CNOT4: variants seen among roughly 807,000 people sequenced by gnomAD.
CNOT4 encodes CCR4-associated factor 4.
CNOT4 carries 8 observed loss-of-function variants against 73.8 expected under a neutral mutation model. The observed-to-expected ratio is 0.11, with a 90% CI of 0.06 to 0.20. CNOT4 has a LOEUF of 0.20. CNOT4 is among the 10% of genes least tolerant of loss of function. The pLI, the probability that CNOT4 is intolerant of heterozygous loss-of-function variation, is 1.00. For synonymous variants in CNOT4, 293 were observed against 321.1 expected (o/e 0.91, Z 0.94); for missense variants, 564 against 883.4 (o/e 0.64, Z 4.58).
At chr7:135,469,171 T>C (rs536369758) in intron 1 of CNOT4, among the ~76,000 whole-genome samples, 2 of 152,242 alleles carry the variant, frequency 1.3e-5, no homozygotes, top group South Asian at 2.1e-4. Context: ...AGAACATTTG[T>C]TTATTCAACA....
intron 10 of CNOT4, chr7:135,388,647 G>GT (rs1796244442): frequency 7.7e-7 from 1 of 1,300,518 alleles, no homozygotes; most frequent in Non-Finnish European, 9.9e-7. Flanking sequence ...CAACTATGAG[G>GT]TAACACGCTA....
At chr7:135,410,953 A>T (rs1797558942) in intron 6 of CNOT4, among the ~76,000 whole-genome samples, 1 of 151,854 alleles carries the variant, frequency 6.6e-6, no homozygotes, top group Non-Finnish European at 1.5e-5. Context: ...TTAAGGGAAG[A>T]ACATTTTTGC....
intron 1 of CNOT4, among the ~76,000 whole-genome samples, chr7:135,454,590 CT>C (rs1345068590): frequency 6.6e-6 from 1 of 152,000 alleles, no homozygotes; most frequent in African/African-American, 2.4e-5. Context: ...AGAAGAATCA[CT>C]TGAGCCTGGG....
chr7:135,495,270 C>T (rs1803393593), intron 1 of CNOT4, among the ~76,000 whole-genome samples: 1 of 152,044 alleles, frequency 6.6e-6, no homozygotes, highest in Non-Finnish European at 1.5e-5. Context: ...TTTGGGAGGC[C>T]AAGGCGGGTA....
intron 3 of CNOT4, among the ~76,000 whole-genome samples, chr7:135,421,569 G>A (rs1361335737): frequency 6.6e-6 from 1 of 152,150 alleles, no homozygotes; most frequent in Non-Finnish European, 1.5e-5. Context: ...GAGGTACTAA[G>A]AAACAAGGTT....
chr7:135,415,630 G>C (rs1797829222), intron 3 of CNOT4, among the ~76,000 whole-genome samples: 1 of 151,954 alleles, frequency 6.6e-6, no homozygotes, highest in South Asian at 2.1e-4. Flanking sequence ...TTACACGAAA[G>C]CAATTCTTCA....
intron 1 of CNOT4, among the ~76,000 whole-genome samples, chr7:135,472,984 T>C (rs1211777850): frequency 6.6e-6 from 1 of 151,514 alleles, no homozygotes; most frequent in African/African-American, 2.4e-5. Context: ...GAGGGTGCAG[T>C]GCGTTATGAT....
intron 1 of CNOT4, among the ~76,000 whole-genome samples, chr7:135,500,076 C>T (rs1803863306): frequency 6.6e-6 from 1 of 152,172 alleles, no homozygotes; most frequent in Admixed American, 6.5e-5. Context: ...ATCTTAATCA[C>T]TATTTCCCAA....
At chr7:135,420,173 T>A (rs1585616257) in intron 3 of CNOT4, among the ~76,000 whole-genome samples, 1 of 152,192 alleles carries the variant, frequency 6.6e-6, no homozygotes. Flanking sequence ...AGTACTACAG[T>A]TGATCAGATC....
intron 1 of CNOT4, among the ~76,000 whole-genome samples, chr7:135,495,731 A>G (rs1031548441): frequency 4.6e-5 from 6 of 130,758 alleles, no homozygotes; most frequent in Admixed American, 3.2e-4. Flanking sequence ...AGAAAGAAAG[A>G]AAGAAAGAAA....
chr7:135,416,890 T>C (rs1797903459), intron 3 of CNOT4, among the ~76,000 whole-genome samples: 1 of 152,168 alleles, frequency 6.6e-6, no homozygotes, highest in Non-Finnish European at 1.5e-5. Context: ...CAACAAAGAA[T>C]TGTCCCGCAC....
intron 1 of CNOT4, among the ~76,000 whole-genome samples, chr7:135,461,266 A>G (rs988522975): frequency 1.3e-5 from 2 of 152,148 alleles, no homozygotes; most frequent in Non-Finnish European, 2.9e-5. Flanking sequence ...CAAAATTTAT[A>G]ATTTAAATTT....
At chr7:135,486,093 G>A (rs777066945) in intron 1 of CNOT4, among the ~76,000 whole-genome samples, 5 of 151,784 alleles carry the variant, frequency 3.3e-5, no homozygotes, top group Non-Finnish European at 5.9e-5. Flanking sequence ...ACAAATCACC[G>A]CTAAAGAACT....
chr7:135,473,126 T>C (rs1015131348), intron 1 of CNOT4, among the ~76,000 whole-genome samples: 2 of 152,164 alleles, frequency 1.3e-5, no homozygotes, highest in Non-Finnish European at 2.9e-5. Flanking sequence ...AATGTTTTAA[T>C]AAAACTGTTG....
At chr7:135,471,270 TA>T (rs893237945) in intron 1 of CNOT4, among the ~76,000 whole-genome samples, 2,259 of 145,136 alleles carry the variant, frequency 0.016, 57 homozygotes, top group African/African-American at 0.053. Context: ...AGATTCTGAT[TA>T]AAAAAAAAAA....
intron 1 of CNOT4, among the ~76,000 whole-genome samples, chr7:135,475,610 T>C (rs966343997): frequency 2.0e-5 from 3 of 151,958 alleles, no homozygotes; most frequent in Admixed American, 6.6e-5. Context: ...TAAAAATAAT[T>C]TGAGTAAAAT....
At position 135,410,750 on chromosome 7, in the gene CNOT4, AATAAT is replaced by A. The variant is rs199551898; in HGVS notation, c.688-107_688-103del. 6,974 of 679,890 alleles carry A rather than the reference AATAAT, an allele frequency of 0.01. 417 individuals are homozygous for A. The African/African-American group carries it at 0.12, about 12-fold the overall frequency. 42.1% of individuals were successfully genotyped at this position (679,890 alleles called of 1,614,324 possible). A position where few individuals can be genotyped will look rare whatever the true frequency, so the allele number is the denominator to read the frequency against. On this transcript the variant is annotated intron_variant, in intron 6 of 11. Transcript: ENST00000541284. ...TATTAAATATATTTTAAATAAAATA[AATAAT>A]ATTTTTAAAAAATAAAATATTAAAT...
intron 1 of CNOT4, among the ~76,000 whole-genome samples, chr7:135,441,497 C>T (rs1266010242): frequency 6.6e-6 from 1 of 151,762 alleles, no homozygotes; most frequent in Non-Finnish European, 1.5e-5. Flanking sequence ...TAATAGGTCC[C>T]CCAACTTTAA....
chr7:135,365,842 C>T (rs1201180020), intron 10 of CNOT4, among the ~76,000 whole-genome samples: 1 of 152,166 alleles, frequency 6.6e-6, no homozygotes, highest in African/African-American at 2.4e-5. Context: ...AATACAATCA[C>T]TAGTTTCCCC....
Sources: gnomAD v4.1 joint callset for allele counts (sites outside exome capture counted in the v4.1 genomes callset) on GRCh38, gnomAD v4.1.1 for gene constraint, MANE v1.5 for transcripts, NCBI Gene and HGNC (gene_info 2026-07-23, HGNC 2026-07-21) for gene names.